Variants in PSMA1 observed in about 807,000 individuals in gnomAD.
PSMA1 encodes proteasome 20S subunit alpha 1.
A neutral mutation model predicts 38.4 loss-of-function variants in PSMA1; 3 were observed. The observed-to-expected ratio is 0.08, with a 90% CI of 0.04 to 0.20. The LOEUF is 0.20. Among genes scored for constraint, PSMA1 ranks in the 10% least tolerant of loss-of-function variants. The probability of loss-of-function intolerance (pLI) is 1.00; values close to 1 mark genes in which losing one functional copy is unlikely to be tolerated. For missense variants in PSMA1, 227 were observed against 325.3 expected (o/e 0.70, Z 2.32); for synonymous variants, 101 against 107.1 (o/e 0.94, Z 0.35).
intron 1 of PSMA1, among the ~76,000 whole-genome samples, chr11:14,627,447 A>G (rs1852927132): frequency 6.6e-6 from 1 of 152,124 alleles, no homozygotes; most frequent in Non-Finnish European, 1.5e-5. Context: ...ATCTGGGTAA[A>G]AGTTATCTGG....
chr11:14,574,255 C>G (rs1852185614), intron 2 of PSMA1, among the ~76,000 whole-genome samples: 1 of 152,208 alleles, frequency 6.6e-6, no homozygotes, highest in Non-Finnish European at 1.5e-5. Flanking sequence ...CCTCTCTTAT[C>G]ACAGGTCCAG....
intron 2 of PSMA1, among the ~76,000 whole-genome samples, chr11:14,600,473 G>C (rs1565055219): frequency 6.6e-6 from 1 of 152,208 alleles, no homozygotes; most frequent in African/African-American, 2.4e-5. Flanking sequence ...CCCGAGCCAG[G>C]CTGCTGTCTC....
upstream of PSMA1, among the ~76,000 whole-genome samples, chr11:14,524,396 T>A (rs750241956): frequency 1.4e-4 from 22 of 152,144 alleles, no homozygotes; most frequent in Non-Finnish European, 2.2e-4. Flanking sequence ...ACCATTGATT[T>A]ATTTCTGCCC....
intron 1 of PSMA1, among the ~76,000 whole-genome samples, chr11:14,613,652 A>G (rs1384230114): frequency 6.6e-6 from 1 of 152,170 alleles, no homozygotes; most frequent in Admixed American, 6.5e-5. Context: ...TTTCAAAATA[A>G]TTATGTAGGA....
At chr11:14,559,655 G>A (rs755932181) in intron 2 of PSMA1, among the ~76,000 whole-genome samples, 1 of 152,234 alleles carries the variant, frequency 6.6e-6, no homozygotes, top group Non-Finnish European at 1.5e-5. Context: ...GAAACAAGGT[G>A]TCCATGCTGC....
chr11:14,592,435 G>A (rs908379320), intron 2 of PSMA1, among the ~76,000 whole-genome samples: 1 of 151,134 alleles, frequency 6.6e-6, no homozygotes, highest in Non-Finnish European at 1.5e-5. Flanking sequence ...CCCCAGGCTG[G>A]AGTGCAGTGG....
chr11:14,523,731 G>C (rs1210586229), upstream of PSMA1, among the ~76,000 whole-genome samples: 1 of 151,496 alleles, frequency 6.6e-6, no homozygotes, highest in Non-Finnish European at 1.5e-5. Context: ...CTACAGGCAA[G>C]TACCCCCATG....
At chr11:14,621,537 C>G (rs1852844028) in intron 1 of PSMA1, among the ~76,000 whole-genome samples, 1 of 152,144 alleles carries the variant, frequency 6.6e-6, no homozygotes, top group South Asian at 2.1e-4. Flanking sequence ...TCCTAAAGAG[C>G]TGGGATTACA....
chr11:14,626,146 T>C lies in PSMA1; in HGVS notation c.-165-14995A>G, dbSNP rs942345333. The stretch of plus-strand genomic sequence containing the variant: ...TAACTGTTCTTTCACTTTTTTTTTT[T>C]CCCTATTTACAGTTTTTATTATTAC... On this transcript the variant is annotated intron_variant, in intron 1 of 10. Coordinates refer to the PSMA1 transcript ENST00000418988. Among the ~76,000 whole-genome samples the C allele has an allele frequency of 1.1e-3, 166 of 151,610 alleles. 6 individuals carry two copies. The highest frequency in any genetic ancestry group is 3.7e-3 in the African/African-American group (152 of 41,000).
chr11:14,568,095 T>C (rs190775518), intron 2 of PSMA1, among the ~76,000 whole-genome samples: 2 of 152,336 alleles, frequency 1.3e-5, no homozygotes, highest in East Asian at 1.9e-4. Flanking sequence ...CAACAGCTCA[T>C]AGCAAATGCT....
chr11:14,511,173 G>A, intron 7 of PSMA1: 1 of 346,556 alleles, frequency 2.9e-6, no homozygotes, highest in Non-Finnish European at 5.2e-6. Flanking sequence ...TTTTTGTTAC[G>A]ATTTTGATCT....
chr11:14,520,491 C>A (rs1478961173), upstream of PSMA1: 6 of 1,443,796 alleles, frequency 4.2e-6, no homozygotes, highest in African/African-American at 1.4e-5. Flanking sequence ...TCCGACCGCT[C>A]GGCGGCGGGC....
At chr11:14,591,997 A>C (rs538815357) in intron 2 of PSMA1, among the ~76,000 whole-genome samples, 1 of 152,100 alleles carries the variant, frequency 6.6e-6, no homozygotes, top group African/African-American at 2.4e-5. Context: ...TTCACTCCTG[A>C]GCCCAGCGAG....
intron 9 of PSMA1, among the ~76,000 whole-genome samples, chr11:14,506,087 C>T (rs1287325766): frequency 1.3e-5 from 2 of 152,172 alleles, no homozygotes; most frequent in African/African-American, 4.8e-5. Context: ...TTCCAGTCAA[C>T]AGCAGGCTAT....
At chr11:14,592,765 A>G (rs2134189256) in intron 2 of PSMA1, among the ~76,000 whole-genome samples, 1 of 152,298 alleles carries the variant, frequency 6.6e-6, no homozygotes, top group Middle Eastern at 3.4e-3. Context: ...GTAAGTACTC[A>G]ATAAACATTT....
At chr11:14,624,098 T>A (rs745546623) in intron 1 of PSMA1, among the ~76,000 whole-genome samples, 13 of 152,214 alleles carry the variant, frequency 8.5e-5, no homozygotes, top group Non-Finnish European at 1.6e-4. Flanking sequence ...CTCATGACCA[T>A]GGGAGCTCTA....
rs181045881 is a variant in PSMA1, at chr11:14,596,959, T to G, written c.21+14007A>C. Reference sequence around the variant, plus strand: ...ATTGAAAGTTTTTAGCATGAAGGGCTGTTGAATTTTGTCGAAGGCCTTTTC... The same window carrying G: ...ATTGAAAGTTTTTAGCATGAAGGGCGGTTGAATTTTGTCGAAGGCCTTTTC... On this transcript the variant is annotated intron_variant, in intron 2 of 10. Coordinates refer to the PSMA1 transcript ENST00000418988. Among the ~76,000 whole-genome samples, 22 of 152,354 alleles carry G rather than the reference T, an allele frequency of 1.4e-4. No homozygotes were observed. The East Asian group carries it at 4.2e-3, about 29-fold the overall frequency.
chr11:14,631,584 C>A (rs899374393), intron 1 of PSMA1, among the ~76,000 whole-genome samples: 86 of 151,984 alleles, frequency 5.7e-4, no homozygotes, highest in Non-Finnish European at 7.5e-4. Context: ...CTTTACTTCC[C>A]AGTATGTGGT....
At chr11:14,562,223 T>C (rs1194559273) in intron 2 of PSMA1, among the ~76,000 whole-genome samples, 1 of 152,214 alleles carries the variant, frequency 6.6e-6, no homozygotes, top group African/African-American at 2.4e-5. Flanking sequence ...TCTTGAGATA[T>C]GAAGAGAGTT....
Sources: gnomAD v4.1 joint callset for allele counts (sites outside exome capture counted in the v4.1 genomes callset) on GRCh38, gnomAD v4.1.1 for gene constraint, MANE v1.5 for transcripts, NCBI Gene and HGNC (gene_info 2026-07-23, HGNC 2026-07-21) for gene names.